PC: variants seen among roughly 807,000 people sequenced by gnomAD.
The protein encoded by PC is pyruvate carboxylase, mitochondrial.
A neutral mutation model predicts 107.8 loss-of-function variants in PC; 46 were observed. That is an observed-to-expected ratio of 0.43 (90% CI 0.34 to 0.55). The LOEUF is 0.55. Ranked by LOEUF, PC falls within the 20% of genes least tolerant of loss-of-function variation. PC has a pLI of 0.04. For missense variants in PC, 1,241 were observed against 1,643.1 expected (o/e 0.76, Z 4.23); for synonymous variants, 662 against 684.7 (o/e 0.97, Z 0.52).
intron 3 of PC, among the ~76,000 whole-genome samples, chr11:66,935,495 C>T (rs945909447): frequency 6.6e-6 from 1 of 152,160 alleles, no homozygotes; most frequent in Admixed American, 6.6e-5. Flanking sequence ...ACAAATGGCT[C>T]TTATGATAAA....
chr11:66,879,886 G>T (rs1565256159), intron 3 of PC, among the ~76,000 whole-genome samples: 1 of 152,206 alleles, frequency 6.6e-6, no homozygotes, highest in Non-Finnish European at 1.5e-5. Flanking sequence ...CAGGCAGTGT[G>T]GGGCTGGGGA....
chr11:66,871,170 G>T lies in PC; in HGVS notation c.515C>A (p.Ala172Asp). Reference sequence around the variant, plus strand: ...GGCCTCATGCAGGGACGTGATGGGGGCATCTGTGCCAGGGACAACGGGAAC... The same window carrying T: ...GGCCTCATGCAGGGACGTGATGGGGTCATCTGTGCCAGGGACAACGGGAAC... ...AGVPVVPGTDAPITSLHEAHE... is the reference protein window; with the variant it reads ...AGVPVVPGTDDPITSLHEAHE... Residue 172 changes from alanine to aspartate, a missense_variant, in exon 7 of 23, where the codon GCC becomes GAC. Around this residue, in one of 2 missense-constraint regions of PC, gnomAD observed 1,143 missense variants for 1,551.9 expected, o/e 0.74. Coordinates refer to ENST00000393960, the MANE Select transcript of PC (RefSeq NM_001040716.2). This position sits in a 1 kb window ranked among gnomAD's most constrained non-coding sequence, Gnocchi z 7.4. 6.2e-7 allele frequency: 1 copy of T among 1,613,666 alleles called. No homozygotes were observed. The highest frequency in any genetic ancestry group is 2.2e-5 in the East Asian group (1 of 44,852).
In PC at chr11:66,849,425, C is replaced by G. The variant is rs1591111284; in HGVS notation, c.3148-55G>C. On this transcript the variant is annotated intron_variant, in intron 21 of 22. Transcript: ENST00000393960. ...GGACGCCAAGGTGGGAGAGCAGTCC[C>G]CCGGCCCTGGCCATAGGAAGTCCCC... The G allele has an allele frequency of 4.3e-6, 7 of 1,609,354 alleles. No individual in the cohort carries two copies. The East Asian group carries it at 1.3e-4, about 31-fold the overall frequency.
Position 66,871,949 on chromosome 11 carries a change from G to C in PC, c.136+75C>G. ...AAGGGGAGTGGGAAGCCAGGGCCTG[G>C]GGCAGTGAGTGGGAGAAGAATGCCA... On this transcript the variant is annotated intron_variant, in intron 4 of 22. Coordinates refer to ENST00000393960, the MANE Select transcript of PC (RefSeq NM_001040716.2). The surrounding 1 kb of genome is among the most constrained non-coding windows in gnomAD (Gnocchi z 7.4). 2 of 1,568,684 alleles carry C rather than the reference G, an allele frequency of 1.3e-6. No individual in the cohort carries two copies. The highest frequency in any genetic ancestry group is 2.3e-5 in the South Asian group (2 of 85,958).
intron 3 of PC, among the ~76,000 whole-genome samples, chr11:66,906,349 C>T (rs1948164834): frequency 6.6e-6 from 1 of 152,152 alleles, no homozygotes; most frequent in African/African-American, 2.4e-5. Context: ...AAACCAAGCA[C>T]ACAAACAAGA....
At chr11:66,903,482 G>T (rs936992503) in intron 3 of PC, among the ~76,000 whole-genome samples, 11 of 151,474 alleles carry the variant, frequency 7.3e-5, no homozygotes, top group Admixed American at 2.6e-4. Context: ...GCTCACGCCT[G>T]TAATCCTTGC....
chr11:66,851,310 C>G (rs759991055), intron 16 of PC, 30 bp from the exon 17 acceptor site: 2 of 1,599,480 alleles, frequency 1.3e-6, no homozygotes, highest in Non-Finnish European at 1.7e-6. Context: ...CAGGGCTGAG[C>G]CCCACCCCAC....
At chr11:66,918,390 CTT>C (rs769659124) in intron 3 of PC, among the ~76,000 whole-genome samples, 18 of 141,162 alleles carry the variant, frequency 1.3e-4, no homozygotes, top group Admixed American at 2.9e-4. Context: ...ACAAAATCTA[CTT>C]TTTTTTTTTT....
At position 66,871,261 on chromosome 11, in the gene PC, C is replaced by A. The variant is rs1946719346; in HGVS notation, c.487+54G>T. 1.2e-6 allele frequency: 2 copies of A among 1,614,000 alleles called. No individual in the cohort carries two copies. The highest frequency in any genetic ancestry group is 1.1e-5 in the South Asian group (1 of 91,080). Reference sequence around the variant, plus strand: ...CGGGAATCCCTGCCACCCCTCCCTGCTGGACCCTCTCCAGGAGCTGCGGGG... The same window carrying A: ...CGGGAATCCCTGCCACCCCTCCCTGATGGACCCTCTCCAGGAGCTGCGGGG... On this transcript the variant is annotated intron_variant, in intron 6 of 22. Coordinates refer to ENST00000393960, the MANE Select transcript of PC (RefSeq NM_001040716.2). This position sits in a 1 kb window ranked among gnomAD's most constrained non-coding sequence, Gnocchi z 7.4.
intron 11 of PC, among the ~76,000 whole-genome samples, chr11:66,864,874 G>A (rs1355694298): frequency 6.6e-6 from 1 of 152,178 alleles, no homozygotes. Context: ...GAAGGGGAGT[G>A]GGGGGACCGC....
chr11:66,851,672 T>C, intron 16 of PC, 118 bp downstream of exon 16: 2 of 1,075,972 alleles, frequency 1.9e-6, no homozygotes, highest in Non-Finnish European at 2.8e-6. Flanking sequence ...CCCTGCTGCG[T>C]GTGGCCACAG....
chr11:66,934,754 C>CCCA (rs1266698388), intron 3 of PC, among the ~76,000 whole-genome samples: 1 of 152,102 alleles, frequency 6.6e-6, no homozygotes, highest in Admixed American at 6.5e-5. Context: ...ACCTCAGCCT[C>CCCA]CCACCACACC....
intron 12 of PC, among the ~76,000 whole-genome samples, chr11:66,861,224 C>G (rs1946239362): frequency 6.6e-6 from 1 of 152,208 alleles, no homozygotes; most frequent in African/African-American, 2.4e-5. Context: ...AGCCTCCGAC[C>G]TGGCCCAGCC....
intron 3 of PC, among the ~76,000 whole-genome samples, chr11:66,910,831 C>A (rs1296510707): frequency 6.6e-6 from 1 of 152,212 alleles, no homozygotes; most frequent in East Asian, 1.9e-4. Flanking sequence ...TCCCAGAATG[C>A]CCCAGTGTCC....
At chr11:66,864,616 G>T (rs1946414398) in intron 11 of PC, among the ~76,000 whole-genome samples, 1 of 152,222 alleles carries the variant, frequency 6.6e-6, no homozygotes, top group African/African-American at 2.4e-5. Context: ...GAAATGAAGG[G>T]AAAGTGCCAG....
At chr11:66,907,566 G>C (rs934273462) in intron 3 of PC, among the ~76,000 whole-genome samples, 1 of 152,156 alleles carries the variant, frequency 6.6e-6, no homozygotes, top group African/African-American at 2.4e-5. Context: ...AGGTCAAGTA[G>C]GGTTTGCCTA....
At chr11:66,890,887 C>T (rs1040957886) in intron 3 of PC, among the ~76,000 whole-genome samples, 2 of 151,988 alleles carry the variant, frequency 1.3e-5, no homozygotes, top group African/African-American at 2.4e-5. Flanking sequence ...GCGACAGGTA[C>T]ATAGAGTTCA....
chr11:66,863,741 G>A (rs758204593), intron 12 of PC, 33 bp downstream of exon 12: 2 of 1,592,840 alleles, frequency 1.3e-6, no homozygotes, highest in East Asian at 2.2e-5. Flanking sequence ...CAAGGGCCGG[G>A]AGCAAAGGCA....
intron 3 of PC, among the ~76,000 whole-genome samples, chr11:66,946,947 C>T (rs991971086): frequency 6.6e-6 from 1 of 152,106 alleles, no homozygotes; most frequent in African/African-American, 2.4e-5. Context: ...TGAGATACCA[C>T]CATATACCTT....
Sources: gnomAD v4.1 joint callset for allele counts (sites outside exome capture counted in the v4.1 genomes callset) on GRCh38, gnomAD v4.1.1 for gene constraint, gnomAD v4.1.1 regional missense constraint, Gnocchi (gnomAD v3.1) non-coding constraint, MANE v1.5 for transcripts, NCBI Gene and HGNC (gene_info 2026-07-23, HGNC 2026-07-21) for gene names.